KCTD1: variants seen among roughly 807,000 people sequenced by gnomAD.
The protein encoded by KCTD1 is potassium channel tetramerization domain containing 1.
In KCTD1, 24 loss-of-function variants were observed where a neutral mutation model predicts 66.0. The ratio of observed to expected loss-of-function variants is 0.36; its 90% confidence interval spans 0.26 to 0.51. The LOEUF (loss-of-function observed/expected upper bound fraction) is 0.51, where lower values mean the gene tolerates loss of function less well. Among genes scored for constraint, KCTD1 ranks in the 20% least tolerant of loss-of-function variants. KCTD1 has a pLI of 0.95. For missense variants in KCTD1, 943 were observed against 1,205.2 expected, an observed-to-expected ratio of 0.78 and a Z score of 3.22; for synonymous variants, 511 against 517.2, an observed-to-expected ratio of 0.99 and a Z score of 0.16.
intron 2 of KCTD1, among the ~76,000 whole-genome samples, chr18:26,477,150 A>G (rs1981391340): frequency 6.6e-6 from 1 of 152,240 alleles, no homozygotes; most frequent in African/African-American, 2.4e-5. Flanking sequence ...ACATTTAATT[A>G]TATAAAAAAG....
At chr18:26,583,008 T>G (rs1270040590) in intron 1 of KCTD1, among the ~76,000 whole-genome samples, 1 of 152,006 alleles carries the variant, frequency 6.6e-6, no homozygotes, top group East Asian at 1.9e-4. Context: ...ACAAAAAACA[T>G]TACAGGGAAT....
Position 26,501,104 on chromosome 18 carries a change from G to A in KCTD1, c.1956C>T (p.Ser652=). 6.2e-7 allele frequency: 1 copy of A among 1,614,004 alleles called. No homozygotes were observed. The highest frequency in any genetic ancestry group is 8.5e-7 in the Non-Finnish European group (1 of 1,179,920). ...CAGGGTATTTGGTGAGGGTGGCCAG[G>A]CTGCTGGTGTACATGTGGCCGCCCA... ...IDVGGHMYTS[S]LATLTKYPES... is the part of the protein sequence containing the mutation. Residue 652 remains serine, a synonymous_variant, in exon 2 of 5, where the codon AGC becomes AGT. Coordinates refer to ENST00000580059, the MANE Select transcript of KCTD1 (RefSeq NM_001142730.3).
intron 1 of KCTD1, among the ~76,000 whole-genome samples, chr18:26,530,583 A>G (rs945474605): frequency 3.3e-5 from 5 of 152,196 alleles, no homozygotes; most frequent in Admixed American, 2.0e-4. Flanking sequence ...TCACAACCAC[A>G]GTTAATTTGG....
intron 1 of KCTD1, among the ~76,000 whole-genome samples, chr18:26,554,546 A>G (rs1196893262): frequency 6.6e-6 from 1 of 152,228 alleles, no homozygotes; most frequent in Non-Finnish European, 1.5e-5. Context: ...AAATTCAACC[A>G]GACTAGAAAG....
chr18:26,488,572 C>G (rs141143901), intron 2 of KCTD1, among the ~76,000 whole-genome samples: 1 of 152,064 alleles, frequency 6.6e-6, no homozygotes, highest in African/African-American at 2.4e-5. Context: ...CACTCAGCTC[C>G]GATCACAGAA....
Position 26,468,275 on chromosome 18 carries a change from T to C in KCTD1, c.2133+8240A>G, listed in dbSNP as rs1980858243. 6.6e-6 allele frequency among the ~76,000 whole-genome samples: 1 copy of C among 152,110 alleles called. No individual in the cohort carries two copies. Among genetic ancestry groups the C allele is most frequent in the African/African-American group, 2.4e-5 (1 of 41,424 alleles). On this transcript the variant is annotated intron_variant, in intron 3 of 4. Transcript: ENST00000580059. The surrounding 1 kb of genome is among the most constrained non-coding windows in gnomAD (Gnocchi z 4.8). The stretch of plus-strand genomic sequence containing the variant: ...TGCAATCACTTATGCAGAGAACAGA[T>C]CTCAACAGCTTTCCATGGAAGCCAG...
rs564238577 is a variant in KCTD1 at position 26,614,790 on chromosome 18, C to T, written c.-16+14357G>A. Among the ~76,000 whole-genome samples the T allele has an allele frequency of 4.6e-5, 7 of 152,130 alleles. No homozygotes were observed. The East Asian group carries it at 5.8e-4, about 13-fold the overall frequency. On this transcript the variant is annotated intron_variant, in intron 1 of 4. Transcript: ENST00000317932. Reference sequence around the variant, plus strand: ...ATCAGCATCTCATTGAATGTGAACTCGTTAACGTGGTGACCTACACTTATC... The same window carrying T: ...ATCAGCATCTCATTGAATGTGAACTTGTTAACGTGGTGACCTACACTTATC...
intron 3 of KCTD1, among the ~76,000 whole-genome samples, chr18:26,472,603 C>T (rs1981128778): frequency 6.6e-6 from 1 of 152,210 alleles, no homozygotes; most frequent in Non-Finnish European, 1.5e-5. Context: ...CACCTCTCCA[C>T]ATCATGCTTT....
chr18:26,500,363 T>A (rs561394709), intron 2 of KCTD1, among the ~76,000 whole-genome samples: 2 of 152,028 alleles, frequency 1.3e-5, no homozygotes, highest in South Asian at 4.2e-4. Context: ...AAGGCTGCAA[T>A]GAGCCATGTT....
At chr18:26,622,238 A>G (rs1413864359) in intron 1 of KCTD1, among the ~76,000 whole-genome samples, 1 of 152,232 alleles carries the variant, frequency 6.6e-6, no homozygotes, top group Non-Finnish European at 1.5e-5. Context: ...AGAACTCACG[A>G]GAGGAGCAGA....
Position 26,534,544 on chromosome 18 carries a change from T to A in KCTD1, c.1809+12184A>T, listed in dbSNP as rs572954190. On this transcript the variant is annotated intron_variant, in intron 1 of 4. Coordinates refer to ENST00000580059, the MANE Select transcript of KCTD1 (RefSeq NM_001142730.3). Reference sequence around the variant, plus strand: ...AGAATACTGAAGATCATCTGTAAATTGTATATAATCTCTCTCATTTTCCTC... The same window carrying A: ...AGAATACTGAAGATCATCTGTAAATAGTATATAATCTCTCTCATTTTCCTC... Among the ~76,000 whole-genome samples, 50 of 152,282 alleles carry A rather than the reference T, an allele frequency of 3.3e-4. 1 individual carries two copies. The South Asian group carries it at 7.9e-3, about 24-fold the overall frequency.
At chr18:26,497,476 T>A (rs939816053) in intron 2 of KCTD1, among the ~76,000 whole-genome samples, 1 of 152,150 alleles carries the variant, frequency 6.6e-6, no homozygotes, top group South Asian at 2.1e-4. Flanking sequence ...GAGGGGTTGA[T>A]AATATGCAAG....
chr18:26,547,574 G>A lies in KCTD1; in HGVS notation c.963C>T (p.Arg321=). The change falls in exon 1 of 5, where the codon CGC becomes CGT. Residue 321 remains arginine (R), a synonymous_variant. Transcript: ENST00000580059. ...CCAACTCACGCTGGTTCTCGCGGCC[G>A]CGGGTACAGAAGTACATGCACGTCT... ...WFETCMYFCT[R]GRENQRELEE... 1 of 1,551,582 alleles carries A rather than the reference G, an allele frequency of 6.4e-7. No individual in the cohort carries two copies. The highest frequency in any genetic ancestry group is 8.7e-7 in the Non-Finnish European group (1 of 1,146,936).
At chr18:26,621,258 G>T (rs561484845) in intron 1 of KCTD1, among the ~76,000 whole-genome samples, 21 of 152,168 alleles carry the variant, frequency 1.4e-4, no homozygotes, top group Non-Finnish European at 2.8e-4. Flanking sequence ...GATGAATGTG[G>T]TCGGGTCCTC....
At chr18:26,651,190 A>G (rs920538110) in intron 1 of KCTD1, among the ~76,000 whole-genome samples, 3 of 152,222 alleles carry the variant, frequency 2.0e-5, no homozygotes, top group Non-Finnish European at 4.4e-5. Flanking sequence ...AAGAGAGAAC[A>G]GGAGGAATGG....
chr18:26,554,186 AAAAG>A (rs10638457), intron 1 of KCTD1, among the ~76,000 whole-genome samples: 4 of 149,578 alleles, frequency 2.7e-5, no homozygotes, highest in Non-Finnish European at 5.9e-5. Flanking sequence ...AAGGAAGGAA[AAAAG>A]AAAGAAAAGA....
rs1302998613 is a variant in KCTD1, at chr18:26,476,995, T to A, written c.1989-336A>T. On this transcript the variant is annotated intron_variant, in intron 2 of 4. Transcript: ENST00000580059. This position sits in a 1 kb window ranked among gnomAD's most constrained non-coding sequence, Gnocchi z 4.9. ...ACTTAAAACAAGCATCCCTGATACT[T>A]AAAAAATGTTATTGCTCCAAAGCAT... The A allele has an allele frequency of 5.2e-6, 1 of 191,588 alleles. No individual in the cohort carries two copies. Among genetic ancestry groups the A allele is most frequent in the Admixed American group, 6.2e-5 (1 of 16,218 alleles). 11.9% of individuals were successfully genotyped at this position (191,588 alleles called of 1,614,324 possible).
At chr18:26,594,629 G>C (rs1290499153) in intron 1 of KCTD1, among the ~76,000 whole-genome samples, 2 of 152,156 alleles carry the variant, frequency 1.3e-5, no homozygotes, top group Non-Finnish European at 2.9e-5. Context: ...TGCAGGCCCT[G>C]GTGATGGCTA....
chr18:26,598,497 C>CACACA (rs1555645999), intron 1 of KCTD1, among the ~76,000 whole-genome samples: 3 of 151,408 alleles, frequency 2.0e-5, no homozygotes, highest in Non-Finnish European at 2.9e-5. Context: ...CACACACACA[C>CACACA]GTTTTTGATT....
Sources: allele counts gnomAD v4.1 joint callset (sites outside exome capture counted in the v4.1 genomes callset), GRCh38; gene constraint gnomAD v4.1.1; non-coding constraint Gnocchi (gnomAD v3.1); transcripts MANE v1.5; gene names NCBI Gene and HGNC (gene_info 2026-07-23, HGNC 2026-07-21).